Variants in EPHA6 observed in about 807,000 individuals in gnomAD.
The protein encoded by EPHA6 is EPH receptor A6.
Under a neutral mutation model 112.0 loss-of-function variants are expected in EPHA6, and 50 were observed. That is an observed-to-expected ratio of 0.45 (90% confidence interval 0.36 to 0.56). The LOEUF is 0.56. Ranked by LOEUF, EPHA6 falls within the 20% of genes least tolerant of loss-of-function variation. EPHA6 has a pLI of 0.00. For missense variants in EPHA6, 1,280 were observed against 1,417.4 expected, an observed-to-expected ratio of 0.90 and a Z score of 1.56; for synonymous variants, 529 against 490.7, an observed-to-expected ratio of 1.08 and a Z score of -1.03.
rs140224077 is a variant in EPHA6 at position 97,540,507 on chromosome 3, G to A, written c.2386+7964G>A. On this transcript the variant is annotated intron_variant, in intron 11 of 17. Coordinates refer to ENST00000389672, the MANE Select transcript of EPHA6 (RefSeq NM_001080448.3). ...TGTATGCAGGAATAATTTATTGGTT[G>A]TCCTTCTAGTGTTTAAATATCTGGG... is the stretch of plus-strand genomic sequence containing the variant. 3.3e-3 allele frequency among the ~76,000 whole-genome samples: 504 copies of A among 152,262 alleles called. 3 individuals are homozygous for A. Among genetic ancestry groups the A allele is most frequent in the African/African-American group, 0.011 (444 of 41,558 alleles).
In EPHA6 at chr3:97,599,808, T is replaced by G. The variant is rs981304891; in HGVS notation, c.2512+7071T>G. Among the ~76,000 whole-genome samples, 140 of 152,242 alleles carry G rather than the reference T, an allele frequency of 9.2e-4. 1 individual carries two copies. The highest frequency in any genetic ancestry group is 6.8e-3 in the Middle Eastern group (2 of 292). On this transcript the variant is annotated intron_variant, in intron 12 of 17. Transcript: ENST00000389672. ...GTTTTTTCCAATTCTGTGAAGAAAGTCATTGGTAGCTTGATGGGGATGGCA... is the reference window on the plus strand; with the variant it reads ...GTTTTTTCCAATTCTGTGAAGAAAGGCATTGGTAGCTTGATGGGGATGGCA...
chr3:97,714,933 G>A (rs984191527), intron 14 of EPHA6, among the ~76,000 whole-genome samples: 1 of 152,120 alleles, frequency 6.6e-6, no homozygotes, highest in African/African-American at 2.4e-5. Flanking sequence ...ATAACCAATG[G>A]TTACCCATTA....
intron 1 of EPHA6, among the ~76,000 whole-genome samples, chr3:96,819,970 G>A (rs2033124231): frequency 6.6e-6 from 1 of 152,138 alleles, no homozygotes. Flanking sequence ...TTTGAAATGG[G>A]ACAGTTGGAA....
intron 13 of EPHA6, among the ~76,000 whole-genome samples, chr3:97,616,969 A>ATAAT (rs1414247562): frequency 6.6e-6 from 1 of 152,142 alleles, no homozygotes; most frequent in African/African-American, 2.4e-5. Context: ...TATCCTCAGG[A>ATAAT]CACATAATCA....
intron 3 of EPHA6, among the ~76,000 whole-genome samples, chr3:96,992,756 A>G (rs772846053): frequency 3.3e-5 from 5 of 152,088 alleles, no homozygotes; most frequent in Non-Finnish European, 7.4e-5. Context: ...TGAACAATCC[A>G]TGCGTTTTTG....
At chr3:97,609,549 T>C (rs557864905) in intron 12 of EPHA6, among the ~76,000 whole-genome samples, 1 of 151,568 alleles carries the variant, frequency 6.6e-6, no homozygotes, top group South Asian at 2.1e-4. Context: ...ATGGAAAACT[T>C]CCTTGGGTTC....
intron 14 of EPHA6, among the ~76,000 whole-genome samples, chr3:97,639,068 T>C (rs2093978834): frequency 6.6e-6 from 1 of 152,116 alleles, no homozygotes; most frequent in South Asian, 2.1e-4. Context: ...CCTTGCTATA[T>C]TTGCTTTGTA....
intron 3 of EPHA6, among the ~76,000 whole-genome samples, chr3:97,117,925 T>G (rs1388883864): frequency 1.3e-5 from 2 of 151,842 alleles, no homozygotes; most frequent in African/African-American, 4.8e-5. Context: ...CTCTGTATCA[T>G]TTTTTGCTAT....
At chr3:97,705,226 C>T (rs1208325417) in intron 14 of EPHA6, among the ~76,000 whole-genome samples, 3 of 152,102 alleles carry the variant, frequency 2.0e-5, no homozygotes, top group East Asian at 3.9e-4. Context: ...CTAAATCTTA[C>T]ATTCTCCTCT....
At chr3:97,188,651 A>T (rs1029950872) in intron 3 of EPHA6, among the ~76,000 whole-genome samples, 3 of 147,318 alleles carry the variant, frequency 2.0e-5, no homozygotes, top group Non-Finnish European at 4.4e-5. Flanking sequence ...ATATTTCTTA[A>T]ATAAAGAATA....
chr3:97,658,924 G>A (rs963661857), intron 14 of EPHA6, among the ~76,000 whole-genome samples: 20 of 151,862 alleles, frequency 1.3e-4, no homozygotes, highest in African/African-American at 4.3e-4. Flanking sequence ...TGAAAATCAG[G>A]GAAGAGCAAT....
intron 3 of EPHA6, among the ~76,000 whole-genome samples, chr3:97,168,203 C>A (rs996159813): frequency 6.6e-6 from 1 of 152,090 alleles, no homozygotes; most frequent in African/African-American, 2.4e-5. Flanking sequence ...TTTACTGTGA[C>A]TGAAAATGTT....
chr3:97,190,879 C>A (rs2077286744), intron 3 of EPHA6, among the ~76,000 whole-genome samples: 1 of 151,924 alleles, frequency 6.6e-6, no homozygotes, highest in Non-Finnish European at 1.5e-5. Flanking sequence ...AAAAAAAAGT[C>A]TATTAGCAAT....
chr3:97,036,180 T>C (rs1308387869), intron 3 of EPHA6, among the ~76,000 whole-genome samples: 2 of 152,014 alleles, frequency 1.3e-5, no homozygotes, highest in Non-Finnish European at 2.9e-5. Flanking sequence ...ATATTTTTAT[T>C]ATAGCTAAAA....
intron 3 of EPHA6, among the ~76,000 whole-genome samples, chr3:97,135,277 C>A (rs2075738299): frequency 6.6e-6 from 1 of 152,126 alleles, no homozygotes; most frequent in African/African-American, 2.4e-5. Flanking sequence ...TGAGAAAAGT[C>A]ACTTAATTTC....
intron 2 of EPHA6, among the ~76,000 whole-genome samples, chr3:96,936,011 C>A (rs963621546): frequency 3.3e-5 from 5 of 151,834 alleles, no homozygotes; most frequent in African/African-American, 1.2e-4. Flanking sequence ...TATGCTTTTC[C>A]AGACCTATTT....
intron 3 of EPHA6, among the ~76,000 whole-genome samples, chr3:97,112,455 T>C (rs575841584): frequency 1.2e-4 from 19 of 152,250 alleles, no homozygotes; most frequent in African/African-American, 4.3e-4. Flanking sequence ...ATCACAAACT[T>C]GAGGACATTA....
At chr3:96,989,496 G>A (rs2043140550) in intron 3 of EPHA6, among the ~76,000 whole-genome samples, 1 of 152,078 alleles carries the variant, frequency 6.6e-6, no homozygotes, top group Non-Finnish European at 1.5e-5. Context: ...AAATTATCCT[G>A]GAGTTAGGAT....
intron 1 of EPHA6, among the ~76,000 whole-genome samples, chr3:96,830,998 T>C (rs757000366): frequency 1.3e-5 from 2 of 152,074 alleles, no homozygotes; most frequent in Non-Finnish European, 2.9e-5. Context: ...CACACACACA[T>C]ATATGCTTCA....
Sources: allele counts gnomAD v4.1 joint callset (sites outside exome capture counted in the v4.1 genomes callset), GRCh38; gene constraint gnomAD v4.1.1; transcripts MANE v1.5; gene names NCBI Gene and HGNC (gene_info 2026-07-23, HGNC 2026-07-21).